CPSF6: variants seen among roughly 807,000 people sequenced by gnomAD.
The protein encoded by CPSF6 is cleavage and polyadenylation specificity factor subunit 6.
A neutral mutation model predicts 56.7 loss-of-function variants in CPSF6; 10 were observed. The observed-to-expected ratio is 0.18, with a 90% CI of 0.11 to 0.30. CPSF6 has a LOEUF of 0.30. CPSF6 is among the 10% of genes least tolerant of loss of function. CPSF6 has a pLI of 1.00. For missense variants in CPSF6, 419 were observed against 722.9 expected (o/e 0.58, Z 4.82); for synonymous variants, 248 against 244.8 (o/e 1.01, Z -0.12).
rs780124146 is a variant in CPSF6, at chr12:69,240,203, C to T, written c.60+497C>T. Among the ~76,000 whole-genome samples, 130 of 152,282 alleles carry T rather than the reference C, an allele frequency of 8.5e-4. 1 individual carries two copies. The highest frequency in any genetic ancestry group is 3.4e-3 in the Middle Eastern group (1 of 292). ...TTCCTCCCATCGCTCCATTTTGTCT[C>T]CCTGCCCGCGCACTGTCGCCTCATG... On this transcript the variant is annotated intron_variant, in intron 1 of 9. Transcript: ENST00000435070.
chr12:69,260,319 G>GTTT (rs10700569), intron 8 of CPSF6, 122 bp downstream of exon 8: 12,497 of 570,094 alleles, frequency 0.022, 20 homozygotes, highest in Non-Finnish European at 0.026. Flanking sequence ...AGCTGGAGTG[G>GTTT]TTTTTTTTTT....
At chr12:69,259,876 TG>T (rs1466904022) in intron 7 of CPSF6, 167 bp from the exon 8 acceptor site, 1 of 224,146 alleles carries the variant, frequency 4.5e-6, no homozygotes, top group Non-Finnish European at 7.5e-6. Context: ...ATCATGAGCA[TG>T]AAAGGCTTTT....
At position 69,270,372 on chromosome 12, in the gene CPSF6, C is replaced by G. The variant is rs1037309451; in HGVS notation, c.*864C>G. On this transcript the variant is annotated 3_prime_UTR_variant, in exon 10 of 10. Coordinates refer to ENST00000435070, the MANE Select transcript of CPSF6 (RefSeq NM_007007.3). Reference sequence around the variant, plus strand: ...GATGTGTAATGCAGGTTAATTACAACACAGATGTACCGAAACACTTAATTG... The same window carrying G: ...GATGTGTAATGCAGGTTAATTACAAGACAGATGTACCGAAACACTTAATTG... 8 of 152,126 alleles carry G rather than the reference C, an allele frequency of 5.3e-5. No homozygotes were observed. The highest frequency in any genetic ancestry group is 1.9e-4 in the African/African-American group (8 of 41,388). The allele number at this position is 152,126 out of a possible 1,614,324, so 9.4% of individuals were successfully genotyped here.
chr12:69,263,103 T>G (rs1321756919), intron 9 of CPSF6, among the ~76,000 whole-genome samples: 1 of 152,056 alleles, frequency 6.6e-6, no homozygotes, highest in Non-Finnish European at 1.5e-5. Flanking sequence ...AAAATTTTTT[T>G]TTTTAGAAGA....
intron 1 of CPSF6, among the ~76,000 whole-genome samples, chr12:69,250,508 A>G (rs1397016345): frequency 2.0e-5 from 3 of 147,172 alleles, no homozygotes; most frequent in African/African-American, 7.5e-5. Flanking sequence ...TCAAGCCTAT[A>G]TTTGGGAGGC....
intron 1 of CPSF6, 100 bp from the exon 2 acceptor site, chr12:69,251,029 T>A (rs959114495): frequency 1.7e-6 from 2 of 1,177,996 alleles, no homozygotes; most frequent in Admixed American, 2.5e-5. Context: ...TTGGCCTTTT[T>A]CCATCAGATT....
chr12:69,245,192 G>A (rs1010494324), intron 1 of CPSF6, among the ~76,000 whole-genome samples: 3 of 151,144 alleles, frequency 2.0e-5, no homozygotes, highest in African/African-American at 7.3e-5. Flanking sequence ...ATTGTGTACT[G>A]TACATAATTG....
chr12:69,241,378 A>T (rs1366704495), intron 1 of CPSF6, among the ~76,000 whole-genome samples: 1 of 152,202 alleles, frequency 6.6e-6, no homozygotes, highest in Admixed American at 6.5e-5. Flanking sequence ...TTATCAAATG[A>T]ATATAACTGC....
chr12:69,243,442 G>A (rs1453341494), intron 1 of CPSF6, among the ~76,000 whole-genome samples: 3 of 152,208 alleles, frequency 2.0e-5, no homozygotes, highest in East Asian at 3.8e-4. Flanking sequence ...ATCATAGAGT[G>A]CTTTTGCATT....
chr12:69,249,565 T>C (rs1232863196), intron 1 of CPSF6, among the ~76,000 whole-genome samples: 2 of 152,216 alleles, frequency 1.3e-5, no homozygotes, highest in Non-Finnish European at 2.9e-5. Flanking sequence ...GGTTGTCTTA[T>C]AATTGTCTTT....
At chr12:69,257,956 CT>C in intron 5 of CPSF6, 51 bp downstream of exon 5, 1 of 1,584,970 alleles carries the variant, frequency 6.3e-7, no homozygotes, top group East Asian at 2.2e-5. Flanking sequence ...CCTAATACCT[CT>C]TTTCCTTTTC....
In CPSF6 at chr12:69,258,809, C is replaced by G. The variant is rs1872620425; in HGVS notation, c.914C>G (p.Pro305Arg). ...CCACCTCCAGTTCCAGGCTACGGCC[C>G]CCCTCCTGGCCCACCACCTCCACAA... ...GPPPPVPGYG[P>R]PPGPPPPQQG... Residue 305 changes from proline to arginine, a missense_variant, in exon 6 of 10, where the codon CCC becomes CGC. Physicochemically the swap from Pro to Arg is moderately radical, Grantham distance 103. Coordinates refer to ENST00000435070, the MANE Select transcript of CPSF6 (RefSeq NM_007007.3). This position sits in a 1 kb window ranked among gnomAD's most constrained non-coding sequence, Gnocchi z 4.2. 1 of 1,613,944 alleles carries G rather than the reference C, an allele frequency of 6.2e-7. No homozygotes were observed. The highest frequency in any genetic ancestry group is 2.2e-5 in the East Asian group (1 of 44,874).
chr12:69,247,104 G>GT (rs1871949400), intron 1 of CPSF6, among the ~76,000 whole-genome samples: 1 of 130,254 alleles, frequency 7.7e-6, no homozygotes, highest in Non-Finnish European at 1.7e-5. Context: ...TATTAAAATT[G>GT]TAAGAGGGGT....
At chr12:69,262,107 T>G (rs1872766527) in intron 8 of CPSF6, among the ~76,000 whole-genome samples, 1 of 110,852 alleles carries the variant, frequency 9.0e-6, no homozygotes, top group Non-Finnish European at 2.0e-5. Flanking sequence ...ACACATCTGT[T>G]TTAGGCTACT....
intron 9 of CPSF6, among the ~76,000 whole-genome samples, chr12:69,262,849 T>TA (rs1872806435): frequency 6.6e-6 from 1 of 152,234 alleles, no homozygotes; most frequent in South Asian, 2.1e-4. Context: ...TGTGTACTTC[T>TA]AAAATCTAAA....
At chr12:69,242,451 C>G (rs751838117) in intron 1 of CPSF6, among the ~76,000 whole-genome samples, 2 of 152,144 alleles carry the variant, frequency 1.3e-5, no homozygotes, top group Non-Finnish European at 2.9e-5. Context: ...TTAGCAGAAA[C>G]TAATTTGGGG....
rs1873085688 is a variant in CPSF6, at chr12:69,268,252, C to T, written c.*4-1260C>T. Among the ~76,000 whole-genome samples the T allele has an allele frequency of 2.0e-5, 3 of 151,358 alleles. No homozygotes were observed. In the South Asian group the frequency reaches 6.2e-4, roughly 31 times the overall value. ...GCTTCATCAACATAAGATGAAGATG[C>T]AATAAAAGATAACAATAGTAATGGC... On this transcript the variant is annotated intron_variant, in intron 9 of 9. Coordinates refer to ENST00000435070, the MANE Select transcript of CPSF6 (RefSeq NM_007007.3).
intron 3 of CPSF6, among the ~76,000 whole-genome samples, chr12:69,256,177 C>A (rs141284706): frequency 2.0e-5 from 3 of 152,118 alleles, no homozygotes; most frequent in African/African-American, 7.2e-5. Context: ...ATAGGCCAGT[C>A]CAGAGACAGA....
chr12:69,258,547 TA>T lies in CPSF6; in HGVS notation c.695-42del. On this transcript the variant is annotated intron_variant, in intron 5 of 9. Transcript: ENST00000435070. The surrounding 1 kb of genome is among the most constrained non-coding windows in gnomAD (Gnocchi z 4.2). ...GCATATAAAAGTTAAAATATCTTAT[TA>T]GTGAAGTGTTTTTTTTTCTCTCTTT... 1 of 1,476,700 alleles carries T rather than the reference TA, an allele frequency of 6.8e-7. No homozygotes were observed. The highest frequency in any genetic ancestry group is 8.9e-7 in the Non-Finnish European group (1 of 1,125,098). 91.5% of individuals were successfully genotyped at this position (1,476,700 alleles called of 1,614,324 possible). A position where few individuals can be genotyped will look rare whatever the true frequency, so the allele number is the denominator to read the frequency against.
Sources: gnomAD v4.1 joint callset for allele counts (sites outside exome capture counted in the v4.1 genomes callset) on GRCh38, gnomAD v4.1.1 for gene constraint, Gnocchi (gnomAD v3.1) non-coding constraint, MANE v1.5 for transcripts, NCBI Gene and HGNC (gene_info 2026-07-23, HGNC 2026-07-21) for gene names.